Variants in LCOR observed in about 807,000 individuals in gnomAD.
LCOR encodes ligand-dependent corepressor.
LCOR carries 14 observed loss-of-function variants against 64.4 expected under a neutral mutation model. That is an observed-to-expected ratio of 0.22 (90% confidence interval 0.14 to 0.34). LCOR has a LOEUF of 0.34. Ranked by LOEUF, LCOR falls within the 10% of genes least tolerant of loss-of-function variation. The probability of loss-of-function intolerance (pLI) is 1.00; values close to 1 mark genes in which losing one functional copy is unlikely to be tolerated. For synonymous variants in LCOR, 643 were observed against 642.5 expected (o/e 1.00, Z -0.01); for missense variants, 1,686 against 1,765.3 (o/e 0.96, Z 0.80).
At chr10:96,971,703 G>A (rs574973807) in intron 7 of LCOR, among the ~76,000 whole-genome samples, 1 of 152,310 alleles carries the variant, frequency 6.6e-6, no homozygotes, top group South Asian at 2.1e-4. Flanking sequence ...TGGATAATGT[G>A]ACGCTGACTC....
Position 96,915,422 on chromosome 10 carries a change from G to A in LCOR, c.-184+7675G>A, listed in dbSNP as rs548844059. On this transcript the variant is annotated intron_variant, in intron 4 of 7. Coordinates refer to ENST00000421806, the MANE Select transcript of LCOR (RefSeq NM_001346516.2). The stretch of plus-strand genomic sequence containing the variant: ...TGTAGTCCCAGCTACTTGGGAGGCT[G>A]AGGCAGGAGAATCACTTGAACCCAG... Among the ~76,000 whole-genome samples, 275 of 152,322 alleles carry A rather than the reference G, an allele frequency of 1.8e-3. 1 individual carries two copies. Among genetic ancestry groups the A allele is most frequent in the Non-Finnish European group, 3.2e-3 (217 of 68,036 alleles).
intron 4 of LCOR, among the ~76,000 whole-genome samples, chr10:96,941,070 C>A (rs1174963567): frequency 3.3e-4 from 27 of 81,004 alleles, no homozygotes; most frequent in Non-Finnish European, 5.7e-4. Context: ...CGACCCCCCC[C>A]CCGCCTCCCT....
At chr10:96,914,056 T>C (rs767088450) in intron 4 of LCOR, among the ~76,000 whole-genome samples, 3 of 152,204 alleles carry the variant, frequency 2.0e-5, no homozygotes, top group Non-Finnish European at 4.4e-5. Flanking sequence ...ATAGATACCT[T>C]TCAGTGCCCA....
intron 6 of LCOR, 101 bp from the exon 7 acceptor site, chr10:96,952,002 G>A (rs999379836): frequency 2.7e-6 from 2 of 744,490 alleles, no homozygotes; most frequent in Admixed American, 4.9e-5. Flanking sequence ...TATCTGCTTA[G>A]TTGAATAAGC....
chr10:96,850,341 A>G (rs1845704029), intron 2 of LCOR, among the ~76,000 whole-genome samples: 1 of 152,146 alleles, frequency 6.6e-6, no homozygotes, highest in African/African-American at 2.4e-5. Context: ...TGTGAGCCCA[A>G]GAGTTCAGTA....
At chr10:96,967,583 T>C (rs938014506) in intron 7 of LCOR, among the ~76,000 whole-genome samples, 6 of 152,338 alleles carry the variant, frequency 3.9e-5, no homozygotes, top group African/African-American at 1.4e-4. Flanking sequence ...GAAAATGTCA[T>C]TTTCTATTAA....
chr10:96,879,440 A>T (rs1015581169), intron 2 of LCOR, among the ~76,000 whole-genome samples: 1 of 152,222 alleles, frequency 6.6e-6, no homozygotes, highest in South Asian at 2.1e-4. Context: ...GCTTATTCCA[A>T]GCCATCTCCA....
intron 7 of LCOR, among the ~76,000 whole-genome samples, chr10:96,954,384 T>C (rs1179161234): frequency 7.5e-6 from 1 of 133,904 alleles, no homozygotes; most frequent in Non-Finnish European, 1.6e-5. Context: ...GAAATGTTAC[T>C]TGGAATTGTT....
chr10:96,836,757 G>A (rs1249598391), intron 2 of LCOR, among the ~76,000 whole-genome samples: 1 of 152,176 alleles, frequency 6.6e-6, no homozygotes, highest in Non-Finnish European at 1.5e-5. Context: ...GAGCAAAAGT[G>A]GAGAAGGACA....
chr10:96,941,062 A>G (rs867081816), intron 4 of LCOR, among the ~76,000 whole-genome samples: 4,713 of 37,604 alleles, frequency 0.13, 266 homozygotes, highest in East Asian at 0.27. Context: ...CGGCTGGCCG[A>G]CCCCCCCCCC....
intron 2 of LCOR, among the ~76,000 whole-genome samples, chr10:96,849,061 CTTTTTTTTT>C (rs67974828): frequency 3.0e-5 from 1 of 33,836 alleles, no homozygotes; most frequent in Non-Finnish European, 5.4e-5. Flanking sequence ...GGCTAATTGT[CTTTTTTTTT>C]TTTTTTTTTT....
At chr10:96,906,587 A>G (rs763723750) in intron 2 of LCOR, among the ~76,000 whole-genome samples, 22 of 152,204 alleles carry the variant, frequency 1.4e-4, no homozygotes, top group South Asian at 4.1e-4. Flanking sequence ...TTCATTTTCT[A>G]CTTTTTTCAC....
Position 96,982,904 on chromosome 10 carries a change from G to A in LCOR, c.2444G>A (p.Arg815Lys), listed in dbSNP as rs773882427. The A allele has an allele frequency of 6.8e-6, 11 of 1,613,976 alleles. No homozygotes were observed. Among genetic ancestry groups the A allele is most frequent in the Admixed American group, 3.3e-5 (2 of 59,976 alleles). ...AAAAAATTCCCTGAGGCCTCTGATAGGTGCCTAAGAAGTCAACTTTCGGAT... is the reference window on the plus strand; with the variant it reads ...AAAAAATTCCCTGAGGCCTCTGATAAGTGCCTAAGAAGTCAACTTTCGGAT... ...KGKKFPEASD[R>K]CLRSQLSDSS... The change falls in exon 8 of 8, where the codon AGG (arginine) becomes AAG (lysine). Residue 815 changes from arginine (R) to lysine (K), a missense_variant. By Grantham distance (26) the Arg-to-Lys change is conservative. Coordinates refer to ENST00000421806, the MANE Select transcript of LCOR (RefSeq NM_001346516.2).
At chr10:96,933,587 C>T (rs1847300160) in intron 4 of LCOR, among the ~76,000 whole-genome samples, 1 of 152,154 alleles carries the variant, frequency 6.6e-6, no homozygotes, top group African/African-American at 2.4e-5. Context: ...GTGGCACGAT[C>T]TGGGCTCACT....
intron 2 of LCOR, among the ~76,000 whole-genome samples, chr10:96,892,591 T>A (rs948529019): frequency 6.6e-6 from 1 of 152,138 alleles, no homozygotes; most frequent in African/African-American, 2.4e-5. Context: ...ATCCCATTTA[T>A]GAGGACACTG....
At chr10:96,891,208 G>A (rs1846433386) in intron 2 of LCOR, among the ~76,000 whole-genome samples, 1 of 151,904 alleles carries the variant, frequency 6.6e-6, no homozygotes, top group Admixed American at 6.6e-5. Flanking sequence ...CTTGTTATAG[G>A]TCTTTTCAGT....
chr10:96,920,633 T>C (rs1227585146), intron 4 of LCOR, among the ~76,000 whole-genome samples: 1 of 146,982 alleles, frequency 6.8e-6, no homozygotes, highest in Non-Finnish European at 1.5e-5. Context: ...TGTATGTACA[T>C]TCATATATGT....
At chr10:96,870,583 A>C (rs1354168040) in intron 2 of LCOR, among the ~76,000 whole-genome samples, 2 of 152,208 alleles carry the variant, frequency 1.3e-5, no homozygotes, top group Non-Finnish European at 2.9e-5. Context: ...GTTTTGAAAA[A>C]CATGTGCTAT....
intron 4 of LCOR, among the ~76,000 whole-genome samples, chr10:96,942,825 A>G (rs1847518393): frequency 1.3e-5 from 2 of 152,206 alleles, no homozygotes; most frequent in Non-Finnish European, 2.9e-5. Context: ...TTTCTTACTT[A>G]GAACACTTAT....
Sources: gnomAD v4.1 joint callset for allele counts (sites outside exome capture counted in the v4.1 genomes callset) on GRCh38, gnomAD v4.1.1 for gene constraint, MANE v1.5 for transcripts, NCBI Gene and HGNC (gene_info 2026-07-23, HGNC 2026-07-21) for gene names.